MISP: variants seen among roughly 807,000 people sequenced by gnomAD.
MISP encodes the protein mitotic interactor and substrate of PLK1.
Under a neutral mutation model 49.3 loss-of-function variants are expected in MISP, and 51 were observed. The ratio of observed to expected loss-of-function variants is 1.03; its 90% CI spans 0.83 to 1.31. The LOEUF is 1.31. Among genes scored for constraint, MISP ranks in the 50% most tolerant of loss-of-function variants. The pLI is 0.00. For synonymous variants in MISP, 444 were observed against 392.6 expected (o/e 1.13, Z -1.55); for missense variants, 1,084 against 935.1 (o/e 1.16, Z -2.08).
In MISP at chr19:757,910, C is replaced by T. The variant is rs769514271; in HGVS notation, c.964C>T (p.Leu322=). The change falls in exon 2 of 5, where the codon CTG becomes TTG. Residue 322 remains leucine (L), a synonymous_variant. Coordinates refer to ENST00000215582, the MANE Select transcript of MISP (RefSeq NM_173481.4). ...GLRQATDHQE[L]VEIPTRPLLT... ...TCGGCAGGCAACCGACCACCAGGAG[C>T]TGGTGGAAATCCCCACCAGGCCGCT... is the stretch of plus-strand genomic sequence containing the variant. 3.1e-6 allele frequency: 5 copies of T among 1,603,594 alleles called. No individual in the cohort carries two copies. The Admixed American group carries it at 8.3e-5, about 27-fold the overall frequency.
intron 1 of MISP, among the ~76,000 whole-genome samples, chr19:751,679 C>T (rs1180676058): frequency 2.6e-5 from 4 of 151,946 alleles, no homozygotes; most frequent in African/African-American, 4.8e-5. Flanking sequence ...AGTCTCAGGC[C>T]GGGGCTGGGG....
At position 757,941 on chromosome 19, in the gene MISP, C is replaced by A. The variant is rs765393395; in HGVS notation, c.995C>A (p.Thr332Asn). The A allele has an allele frequency of 7.5e-6, 12 of 1,597,496 alleles. No homozygotes were observed. The highest frequency in any genetic ancestry group is 4.5e-5 in the East Asian group (2 of 44,814). ...GAAATCCCCACCAGGCCGCTGCTGA[C>A]CAAGCTGAGCCTGATCACAGCCCCA... ...LVEIPTRPLL[T>N]KLSLITAPRR... Residue 332 changes from threonine (T) to asparagine (N), a missense_variant, in exon 2 of 5, where the codon ACC becomes AAC. Thr to Asn is a moderately conservative substitution (Grantham distance 65). Coordinates refer to ENST00000215582, the MANE Select transcript of MISP (RefSeq NM_173481.4).
intron 1 of MISP, among the ~76,000 whole-genome samples, chr19:751,922 G>C (rs1052264334): frequency 2.0e-5 from 3 of 152,180 alleles, no homozygotes; most frequent in Admixed American, 2.0e-4. Flanking sequence ...CCCTCACATA[G>C]AGCCAACTGG....
In MISP at chr19:762,283, C is replaced by T. The variant is rs547150245; in HGVS notation, c.1950+620C>T. On this transcript the variant is annotated intron_variant, in intron 4 of 4. Transcript: ENST00000215582. Reference sequence around the variant, plus strand: ...ATGTTTTTTTGGGAGGATGGAGTCTCGCTCTGTTGCCCAGGCTGGAGTGGA... The same window carrying T: ...ATGTTTTTTTGGGAGGATGGAGTCTTGCTCTGTTGCCCAGGCTGGAGTGGA... Among the ~76,000 whole-genome samples, 30 of 148,510 alleles carry T rather than the reference C, an allele frequency of 2.0e-4. 1 individual carries two copies. The highest frequency in any genetic ancestry group is 7.6e-3 in the Middle Eastern group (2 of 262).
chr19:759,545 G>A (rs36108470), intron 2 of MISP, among the ~76,000 whole-genome samples: 14,723 of 151,730 alleles, frequency 0.097, 1,038 homozygotes, highest in Admixed American at 0.17. Flanking sequence ...GACTACAGGC[G>A]CCTGCCTCCA....
chr19:752,145 CCTCT>C (rs2033468450), intron 1 of MISP, among the ~76,000 whole-genome samples: 1 of 152,142 alleles, frequency 6.6e-6, no homozygotes, highest in Non-Finnish European at 1.5e-5. Context: ...GTCCCAGCTC[CCTCT>C]CTCGAAAACC....
At chr19:749,662 C>G (rs1054935672), upstream of MISP, among the ~76,000 whole-genome samples, 1 of 152,166 alleles carries the variant, frequency 6.6e-6, no homozygotes, top group Non-Finnish European at 1.5e-5. Flanking sequence ...AAAACCCTGT[C>G]TCTACTAAAA....
chr19:757,477 G>C lies in MISP; in HGVS notation c.531G>C (p.Arg177=). Residue 177 remains arginine (R), a synonymous_variant, in exon 2 of 5, where the codon CGG becomes CGC. Coordinates refer to ENST00000215582, the MANE Select transcript of MISP (RefSeq NM_173481.4). ...ACCCCAGGACCCCCGGCCCACCTCG[G>C]TCCACGCCCCTGGAGGAGAACGTGG... ...HGDPRTPGPP[R]STPLEENVVD... is the part of the protein sequence containing the mutation. 1.3e-6 allele frequency: 2 copies of C among 1,596,534 alleles called. No individual in the cohort carries two copies. The highest frequency in any genetic ancestry group is 1.7e-6 in the Non-Finnish European group (2 of 1,172,680).
At chr19:753,490 A>C (rs1431758843) in intron 1 of MISP, among the ~76,000 whole-genome samples, 1 of 147,702 alleles carries the variant, frequency 6.8e-6, no homozygotes, top group Non-Finnish European at 1.5e-5. Flanking sequence ...GGTTCACAGC[A>C]TTCTCCTGCC....
intron 1 of MISP, among the ~76,000 whole-genome samples, chr19:755,659 C>G (rs1012280242): frequency 1.3e-5 from 2 of 152,108 alleles, no homozygotes; most frequent in Non-Finnish European, 1.5e-5. Context: ...AGGCCAGGCG[C>G]GGTGGCTCAC....
At position 758,713 on chromosome 19, in the gene MISP, C is replaced by T. The variant is rs757935884; in HGVS notation, c.1767C>T (p.Ser589=). The T allele has an allele frequency of 1.2e-6, 2 of 1,612,756 alleles. No individual in the cohort carries two copies. Among genetic ancestry groups the T allele is most frequent in the Non-Finnish European group, 1.7e-6 (2 of 1,179,188 alleles). The change falls in exon 2 of 5, where the codon TCC becomes TCT. Residue 589 remains serine (S), a synonymous_variant. Transcript: ENST00000215582. Reference sequence around the variant, plus strand: ...ACTCTGACCAGAACTCCAGGAGCTCCTCCCAGGCATCCGGTGAGAAGGGGC... The same window carrying T: ...ACTCTGACCAGAACTCCAGGAGCTCTTCCCAGGCATCCGGTGAGAAGGGGC... ...DENSDQNSRS[S]SQASGITGSY...
intron 1 of MISP, among the ~76,000 whole-genome samples, chr19:753,118 C>T (rs1441501687): frequency 2.0e-5 from 3 of 152,204 alleles, no homozygotes; most frequent in Non-Finnish European, 4.4e-5. Context: ...CAGGCGGCGT[C>T]CACGGAGGAG....
rs2033711777 is a variant in MISP at position 763,749 on chromosome 19, G to A, written c.*159G>A. On this transcript the variant is annotated 3_prime_UTR_variant, in exon 5 of 5. Transcript: ENST00000215582. ...TCCCACCATGGGCACATTTGGGACT[G>A]TTGGGTTTTTCGTTTCCGTTTCTAT... is the stretch of plus-strand genomic sequence containing the variant. 2.5e-5 allele frequency: 15 copies of A among 592,976 alleles called. No homozygotes were observed. In the South Asian group the frequency reaches 2.7e-4, roughly 11 times the overall value. 36.7% of individuals were successfully genotyped at this position (592,976 alleles called of 1,614,324 possible).
chr19:759,770 T>G, intron 2 of MISP, 139 bp from the exon 3 acceptor site: 1 of 954,962 alleles, frequency 1.0e-6, no homozygotes, highest in South Asian at 1.7e-5. Context: ...GCTACTTTGG[T>G]CAATCTGTCA....
At chr19:755,066 G>C (rs947230651) in intron 1 of MISP, among the ~76,000 whole-genome samples, 1 of 151,890 alleles carries the variant, frequency 6.6e-6, no homozygotes, top group African/African-American at 2.4e-5. Context: ...GGGTAGAAGA[G>C]GAGGGCCTGG....
upstream of MISP, chr19:748,470 C>G (rs997734379): frequency 6.6e-6 from 1 of 152,382 alleles, no homozygotes; most frequent in African/African-American, 2.4e-5. Flanking sequence ...CCCGCTCACC[C>G]TGAGCGCCTT....
intron 1 of MISP, among the ~76,000 whole-genome samples, chr19:752,224 G>A (rs892406398): frequency 2.0e-5 from 3 of 152,178 alleles, no homozygotes; most frequent in Admixed American, 6.5e-5. Flanking sequence ...CTTAGCCACC[G>A]CCGGGCCTTG....
At position 757,854 on chromosome 19, in the gene MISP, G is replaced by A. The variant is rs1185960926; in HGVS notation, c.908G>A (p.Arg303His). 7 of 1,611,256 alleles carry A rather than the reference G, an allele frequency of 4.3e-6. No individual in the cohort carries two copies. The highest frequency in any genetic ancestry group is 3.3e-5 in the South Asian group (3 of 91,042). The change falls in exon 2 of 5, where the codon CGT becomes CAT. Residue 303 changes from arginine (R) to histidine (H), a missense_variant. Coordinates refer to ENST00000215582, the MANE Select transcript of MISP (RefSeq NM_173481.4). ...CGGGAGATCCGTCTGGCTCAGGAGC[G>A]TGAGGCAGACCTGCGAGAGCAGAGG... ...IEREIRLAQE[R>H]EADLREQRGL...
chr19:757,618 C>T lies in MISP; in HGVS notation c.672C>T (p.Thr224=). ...CCAGGGGGACCCCTGCAGGCACAAC[C>T]CCAGGGGCCAGCCAGGCCCCCAAGG... ...SPARGTPAGT[T]PGASQAPKAF... is the part of the protein sequence containing the mutation. Residue 224 remains threonine, a synonymous_variant, in exon 2 of 5, where the codon ACC becomes ACT. Coordinates refer to ENST00000215582, the MANE Select transcript of MISP (RefSeq NM_173481.4). The T allele has an allele frequency of 1.2e-6, 2 of 1,612,580 alleles. No individual in the cohort carries two copies. The highest frequency in any genetic ancestry group is 2.2e-5 in the East Asian group (1 of 44,832).
Sources: allele counts gnomAD v4.1 joint callset (sites outside exome capture counted in the v4.1 genomes callset), GRCh38; gene constraint gnomAD v4.1.1; transcripts MANE v1.5; gene names NCBI Gene and HGNC (gene_info 2026-07-23, HGNC 2026-07-21).